The following MACROD2 variants were observed in gnomAD, a reference collection of about 807,000 sequenced individuals.
MACROD2 encodes mono-ADP ribosylhydrolase 2, also known as ADP-ribose glycohydrolase MACROD2.
Under a neutral mutation model 70.4 loss-of-function variants are expected in MACROD2, and 36 were observed. The observed-to-expected ratio is 0.51, with a 90% confidence interval of 0.39 to 0.68. The LOEUF is 0.68. MACROD2 is among the 30% of genes least tolerant of loss of function. The probability of loss-of-function intolerance (pLI) is 0.00; values close to 1 mark genes in which losing one functional copy is unlikely to be tolerated. For missense variants in MACROD2, 496 were observed against 538.4 expected (o/e 0.92, Z 0.78); for synonymous variants, 172 against 178.8 (o/e 0.96, Z 0.30).
At chr20:14,996,210 G>A (rs992349718) in intron 5 of MACROD2, among the ~76,000 whole-genome samples, 15 of 152,070 alleles carry the variant, frequency 9.9e-5, no homozygotes, top group African/African-American at 2.2e-4. Flanking sequence ...GGGGTCTCAC[G>A]GGCCAGTGTG....
intron 5 of MACROD2, among the ~76,000 whole-genome samples, chr20:15,099,444 A>G (rs1373932275): frequency 6.6e-6 from 1 of 152,184 alleles, no homozygotes; most frequent in Admixed American, 6.5e-5. Context: ...CACAGTGAGA[A>G]GCTGACTGTC....
At chr20:14,030,114 C>A (rs1263509916) in intron 2 of MACROD2, among the ~76,000 whole-genome samples, 2 of 152,228 alleles carry the variant, frequency 1.3e-5, no homozygotes, top group African/African-American at 4.8e-5. Flanking sequence ...CTCACTGCAG[C>A]CTCCAACTCC....
intron 8 of MACROD2, among the ~76,000 whole-genome samples, chr20:15,631,486 T>C (rs1432688574): frequency 3.3e-5 from 5 of 152,174 alleles, no homozygotes; most frequent in African/African-American, 9.7e-5. Context: ...CAGAGATATA[T>C]TTTAAAAGCC....
chr20:14,759,287 C>T (rs1219792865), intron 5 of MACROD2, among the ~76,000 whole-genome samples: 1 of 152,012 alleles, frequency 6.6e-6, no homozygotes, highest in Non-Finnish European at 1.5e-5. Flanking sequence ...ATAATTTCTA[C>T]TACATAGGAA....
At chr20:15,994,692 A>T (rs941263115) in intron 15 of MACROD2, among the ~76,000 whole-genome samples, 1 of 152,196 alleles carries the variant, frequency 6.6e-6, no homozygotes, top group Non-Finnish European at 1.5e-5. Flanking sequence ...TTGCTATCAT[A>T]TAGAGAGTTA....
intron 8 of MACROD2, among the ~76,000 whole-genome samples, chr20:15,704,689 T>G (rs1568984660): frequency 1.3e-5 from 2 of 152,148 alleles, no homozygotes; most frequent in Non-Finnish European, 2.9e-5. Context: ...AACTTTTGAG[T>G]AGCAAGGTGC....
At chr20:14,513,653 G>A (rs1344039637) in intron 4 of MACROD2, among the ~76,000 whole-genome samples, 1 of 152,026 alleles carries the variant, frequency 6.6e-6, no homozygotes, top group Non-Finnish European at 1.5e-5. Flanking sequence ...TGCTGCAGAA[G>A]TAAGAATACA....
At chr20:15,399,806 T>C (rs1015409965) in intron 6 of MACROD2, among the ~76,000 whole-genome samples, 1 of 152,234 alleles carries the variant, frequency 6.6e-6, no homozygotes, top group Non-Finnish European at 1.5e-5. Flanking sequence ...CACTATGTCA[T>C]AGATGCACTT....
chr20:14,465,486 C>T (rs926383120), intron 3 of MACROD2, among the ~76,000 whole-genome samples: 1 of 152,004 alleles, frequency 6.6e-6, no homozygotes, highest in Non-Finnish European at 1.5e-5. Context: ...TGACTCTATC[C>T]AATTTGCCAG....
intron 5 of MACROD2, among the ~76,000 whole-genome samples, chr20:14,722,962 C>G (rs1268955123): frequency 1.3e-5 from 2 of 152,162 alleles, no homozygotes; most frequent in Non-Finnish European, 2.9e-5. Context: ...ACTTTGGTCT[C>G]TGATCATGGC....
intron 5 of MACROD2, among the ~76,000 whole-genome samples, chr20:15,210,168 G>GA (rs1437217279): frequency 1.3e-5 from 2 of 152,242 alleles, no homozygotes; most frequent in South Asian, 2.1e-4. Flanking sequence ...CAAGCTTTGT[G>GA]AAAAAATGGA....
intron 5 of MACROD2, among the ~76,000 whole-genome samples, chr20:15,220,664 T>C (rs990007030): frequency 6.6e-6 from 1 of 152,224 alleles, no homozygotes; most frequent in East Asian, 1.9e-4. Context: ...TCAAACTCTG[T>C]TCATATAGAG....
intron 2 of MACROD2, among the ~76,000 whole-genome samples, chr20:14,026,885 A>G (rs1037615728): frequency 2.0e-5 from 3 of 152,200 alleles, no homozygotes; most frequent in African/African-American, 7.2e-5. Context: ...TAGCAGAAGT[A>G]AATATTCCTG....
intron 5 of MACROD2, among the ~76,000 whole-genome samples, chr20:14,883,004 T>C (rs1188321748): frequency 6.6e-6 from 1 of 152,142 alleles, no homozygotes; most frequent in Admixed American, 6.5e-5. Flanking sequence ...AATTAATTCA[T>C]CTTCATGAAA....
At chr20:15,112,738 A>G (rs1392795445) in intron 5 of MACROD2, among the ~76,000 whole-genome samples, 2 of 152,196 alleles carry the variant, frequency 1.3e-5, no homozygotes, top group Non-Finnish European at 2.9e-5. Flanking sequence ...ATCTGTCTCT[A>G]GAACTTCTGT....
chr20:14,740,388 A>C (rs950558551), intron 5 of MACROD2, among the ~76,000 whole-genome samples: 14 of 152,256 alleles, frequency 9.2e-5, no homozygotes, highest in African/African-American at 2.9e-4. Context: ...AATTCAACAA[A>C]AAAACCCTGC....
At chr20:14,666,233 G>T (rs2070735171) in intron 4 of MACROD2, among the ~76,000 whole-genome samples, 1 of 152,038 alleles carries the variant, frequency 6.6e-6, no homozygotes, top group Non-Finnish European at 1.5e-5. Context: ...ACTTACAACA[G>T]GGTAAAACCC....
At chr20:15,606,114 G>A (rs1280032180) in intron 8 of MACROD2, among the ~76,000 whole-genome samples, 1 of 152,048 alleles carries the variant, frequency 6.6e-6, no homozygotes, top group African/African-American at 2.4e-5. Flanking sequence ...TAGTTTTTCT[G>A]TCTCTAGTCT....
chr20:15,358,875 C>T (rs961601021), intron 6 of MACROD2, among the ~76,000 whole-genome samples: 1 of 151,910 alleles, frequency 6.6e-6, no homozygotes, highest in African/African-American at 2.4e-5. Context: ...TTAATCTAAC[C>T]CTAATTACCT....
Sources: gnomAD v4.1 joint callset for allele counts (sites outside exome capture counted in the v4.1 genomes callset) on GRCh38, gnomAD v4.1.1 for gene constraint, MANE v1.5 for transcripts, NCBI Gene and HGNC (gene_info 2026-07-23, HGNC 2026-07-21) for gene names.